FAM135B: variants seen among roughly 807,000 people sequenced by gnomAD.
The protein encoded by FAM135B is protein FAM135B.
FAM135B carries 43 observed loss-of-function variants against 127.7 expected under a neutral mutation model. The ratio of observed to expected loss-of-function variants is 0.34; its 90% CI spans 0.26 to 0.43. The LOEUF (loss-of-function observed/expected upper bound fraction) is 0.43, where lower values mean the gene tolerates loss of function less well. FAM135B is among the 20% of genes least tolerant of loss of function. The pLI, the probability that FAM135B is intolerant of heterozygous loss-of-function variation, is 1.00. For synonymous variants in FAM135B, 670 were observed against 665.1 expected, an observed-to-expected ratio of 1.01 and a Z score of -0.11; for missense variants, 1,558 against 1,725.6, an observed-to-expected ratio of 0.90 and a Z score of 1.72.
chr8:138,186,403 C>T (rs1013271218), intron 9 of FAM135B, among the ~76,000 whole-genome samples: 6 of 152,140 alleles, frequency 3.9e-5, no homozygotes, highest in Non-Finnish European at 8.8e-5. Flanking sequence ...TCTATGTCTT[C>T]AAATTGCTTT....
intron 1 of FAM135B, among the ~76,000 whole-genome samples, chr8:138,469,119 A>G (rs1018284862): frequency 6.6e-6 from 1 of 151,934 alleles, no homozygotes; most frequent in Admixed American, 6.6e-5. Context: ...GAAAGAAGGA[A>G]GGAAGGATGG....
chr8:138,236,721 A>G (rs990042352), intron 7 of FAM135B, among the ~76,000 whole-genome samples: 1 of 152,260 alleles, frequency 6.6e-6, no homozygotes, highest in Admixed American at 6.5e-5. Flanking sequence ...TTTGATGTAA[A>G]GTAGATGTTC....
intron 1 of FAM135B, chr8:138,440,010 G>A (rs1012614463): frequency 6.6e-5 from 10 of 152,188 alleles, no homozygotes; most frequent in Non-Finnish European, 1.2e-4. Flanking sequence ...GTGCAGGTGC[G>A]AGGATCATAG....
chr8:138,359,684 A>G (rs1257454676), intron 2 of FAM135B, among the ~76,000 whole-genome samples: 2 of 152,216 alleles, frequency 1.3e-5, no homozygotes, highest in Non-Finnish European at 2.9e-5. Context: ...TTCTGACAGA[A>G]CCAGACAAAT....
rs1269560847 is a variant in FAM135B, at chr8:138,199,671, G to T, written c.670-2002C>A. On this transcript the variant is annotated intron_variant, in intron 7 of 19. Transcript: ENST00000395297. ...AATTGACTCACAGGTCTCCATAGCT[G>T]GGGAGGCCTCAGGAAACTTACAGTC... 9.2e-5 allele frequency among the ~76,000 whole-genome samples: 14 copies of T among 152,320 alleles called. 1 individual carries two copies. The highest frequency in any genetic ancestry group is 7.4e-5 in the Non-Finnish European group (5 of 68,026).
At chr8:138,475,519 C>G (rs768693307) in intron 1 of FAM135B, among the ~76,000 whole-genome samples, 4 of 152,180 alleles carry the variant, frequency 2.6e-5, no homozygotes, top group Non-Finnish European at 5.9e-5. Context: ...CATCTACCAT[C>G]TTGTCATCCA....
intron 7 of FAM135B, among the ~76,000 whole-genome samples, chr8:138,198,345 C>T (rs1316748575): frequency 2.0e-5 from 3 of 152,168 alleles, no homozygotes; most frequent in African/African-American, 7.2e-5. Context: ...ATTACCCAGC[C>T]TTGGGTATGT....
intron 12 of FAM135B, among the ~76,000 whole-genome samples, chr8:138,162,640 A>C (rs907099480): frequency 6.6e-6 from 1 of 152,340 alleles, no homozygotes; most frequent in East Asian, 1.9e-4. Context: ...TTAAAAAATG[A>C]AAAAAGAATG....
rs112580118 is a variant in FAM135B at position 138,191,323 on chromosome 8, C to T, written c.873+3935G>A. 1.6e-4 allele frequency among the ~76,000 whole-genome samples: 25 copies of T among 152,284 alleles called. No homozygotes were observed. In the East Asian group the frequency reaches 3.3e-3, roughly 20 times the overall value. ...CCACTACTTTTGAGGTGACACATAA[C>T]GCAGGACAATACCACACACTGGTCC... On this transcript the variant is annotated intron_variant, in intron 9 of 19. Transcript: ENST00000395297.
chr8:138,236,395 CACAT>C (rs1349264586), intron 7 of FAM135B, among the ~76,000 whole-genome samples: 1 of 136,312 alleles, frequency 7.3e-6, no homozygotes, highest in Non-Finnish European at 1.6e-5. Context: ...AGAACACACA[CACAT>C]ACACACACAC....
At chr8:138,177,054 C>A (rs890621071) in intron 11 of FAM135B, among the ~76,000 whole-genome samples, 3 of 152,180 alleles carry the variant, frequency 2.0e-5, no homozygotes, top group Non-Finnish European at 2.9e-5. Flanking sequence ...TAATTCATTT[C>A]GCAGAGGACT....
intron 7 of FAM135B, among the ~76,000 whole-genome samples, chr8:138,215,587 G>T (rs1410763597): frequency 3.9e-5 from 6 of 152,208 alleles, no homozygotes; most frequent in African/African-American, 1.4e-4. Context: ...TCCATTCTAT[G>T]ACAGAAGTTA....
intron 7 of FAM135B, among the ~76,000 whole-genome samples, chr8:138,230,795 C>G (rs898262975): frequency 6.6e-6 from 1 of 152,098 alleles, no homozygotes; most frequent in South Asian, 2.1e-4. Flanking sequence ...TGATAACAGT[C>G]TTAAAGAGTC....
chr8:138,382,914 G>T (rs1180958781), intron 1 of FAM135B, among the ~76,000 whole-genome samples: 1 of 152,176 alleles, frequency 6.6e-6, no homozygotes, highest in Non-Finnish European at 1.5e-5. Flanking sequence ...GTTGCCCCAG[G>T]ATGATGGAGA....
chr8:138,231,719 A>C (rs970022062), intron 7 of FAM135B, among the ~76,000 whole-genome samples: 6 of 152,156 alleles, frequency 3.9e-5, no homozygotes, highest in African/African-American at 1.4e-4. Context: ...CAATTTGCTT[A>C]AGTTATTAGA....
At chr8:138,348,471 A>G in intron 2 of FAM135B, among the ~76,000 whole-genome samples, 1 of 152,140 alleles carries the variant, frequency 6.6e-6, no homozygotes, top group Middle Eastern at 3.2e-3. Context: ...GCTTTATAAA[A>G]TTCAACACGA....
At chr8:138,311,812 T>C (rs1826704869) in intron 2 of FAM135B, among the ~76,000 whole-genome samples, 1 of 152,134 alleles carries the variant, frequency 6.6e-6, no homozygotes, top group Admixed American at 6.5e-5. Flanking sequence ...GTTTTTAATG[T>C]ATAAATGATG....
At chr8:138,265,988 C>T (rs2130635683) in intron 3 of FAM135B, 146 bp from the exon 4 acceptor site, 2 of 758,396 alleles carry the variant, frequency 2.6e-6, no homozygotes, top group Admixed American at 2.8e-5. Flanking sequence ...TAAATGAGAC[C>T]TCACCATATG....
rs1821053400 is a variant in FAM135B at position 138,243,736 on chromosome 8, T to C, written c.543-668A>G. ...AGGAAAAGATGTGTGATTATTCAAA[T>C]TTATCATATTTGAGTTTATGATCAT... is the stretch of plus-strand genomic sequence containing the variant. On this transcript the variant is annotated intron_variant, in intron 6 of 19. Coordinates refer to ENST00000395297, the MANE Select transcript of FAM135B (RefSeq NM_015912.4). This position sits in a 1 kb window ranked among gnomAD's most constrained non-coding sequence, Gnocchi z 7.5. 6.6e-6 allele frequency among the ~76,000 whole-genome samples: 1 copy of C among 152,224 alleles called. No homozygotes were observed. The highest frequency in any genetic ancestry group is 2.4e-5 in the African/African-American group (1 of 41,460).
Sources: gnomAD v4.1 joint callset for allele counts (sites outside exome capture counted in the v4.1 genomes callset) on GRCh38, gnomAD v4.1.1 for gene constraint, Gnocchi (gnomAD v3.1) non-coding constraint, MANE v1.5 for transcripts, NCBI Gene and HGNC (gene_info 2026-07-23, HGNC 2026-07-21) for gene names.